The following RORA variants were observed in gnomAD, a reference collection of about 807,000 sequenced individuals.
RORA encodes the protein nuclear receptor ROR-alpha.
RORA carries 7 observed loss-of-function variants against 69.5 expected under a neutral mutation model. The ratio of observed to expected loss-of-function variants is 0.10; its 90% confidence interval spans 0.06 to 0.19. RORA has a LOEUF of 0.19. Among genes scored for constraint, RORA ranks in the 10% least tolerant of loss-of-function variants. RORA has a pLI of 1.00. For synonymous variants in RORA, 261 were observed against 240.8 expected (o/e 1.08, Z -0.78); for missense variants, 457 against 663.0 (o/e 0.69, Z 3.41).
intron 1 of RORA, among the ~76,000 whole-genome samples, chr15:61,105,445 TAA>T (rs1042087080): frequency 6.6e-6 from 1 of 152,238 alleles, no homozygotes; most frequent in African/African-American, 2.4e-5. Flanking sequence ...TGATATTTCA[TAA>T]AGTCTGAAGT....
At chr15:60,781,066 A>T (rs2072245870) in intron 1 of RORA, among the ~76,000 whole-genome samples, 1 of 152,226 alleles carries the variant, frequency 6.6e-6, no homozygotes, top group Non-Finnish European at 1.5e-5. Context: ...CAAAACCTGT[A>T]AAAAGGAGAG....
intron 1 of RORA, among the ~76,000 whole-genome samples, chr15:60,744,056 G>T (rs1258782681): frequency 6.7e-6 from 1 of 149,338 alleles, no homozygotes; most frequent in Non-Finnish European, 1.5e-5. Flanking sequence ...AAGCACTAGG[G>T]TTGAAAAAAA....
intron 1 of RORA, among the ~76,000 whole-genome samples, chr15:61,172,783 C>G (rs1057180034): frequency 6.6e-6 from 1 of 152,152 alleles, no homozygotes; most frequent in African/African-American, 2.4e-5. Context: ...AATCACACTT[C>G]AGAGGCAGAG....
intron 8 of RORA, among the ~76,000 whole-genome samples, chr15:60,502,206 C>T (rs563745799): frequency 6.6e-6 from 1 of 152,356 alleles, no homozygotes; most frequent in African/African-American, 2.4e-5. Flanking sequence ...TCTCAAACTC[C>T]TGACCTCAGG....
chr15:61,155,186 T>A (rs939815523), intron 1 of RORA, among the ~76,000 whole-genome samples: 1 of 152,216 alleles, frequency 6.6e-6, no homozygotes, highest in Non-Finnish European at 1.5e-5. Flanking sequence ...AATGTATACA[T>A]GCATTAAAAC....
chr15:61,109,831 T>G (rs542928933), intron 1 of RORA, among the ~76,000 whole-genome samples: 9 of 152,314 alleles, frequency 5.9e-5, no homozygotes, highest in African/African-American at 2.2e-4. Flanking sequence ...GATTATAGTA[T>G]CTGAGAGCTT....
At chr15:61,151,296 T>C (rs1390968793) in intron 1 of RORA, among the ~76,000 whole-genome samples, 1 of 152,238 alleles carries the variant, frequency 6.6e-6, no homozygotes, top group Admixed American at 6.5e-5. Flanking sequence ...CCCTGAACTC[T>C]AAGCTCTAAA....
At chr15:60,811,940 T>C (rs1208008279) in intron 1 of RORA, among the ~76,000 whole-genome samples, 1 of 152,236 alleles carries the variant, frequency 6.6e-6, no homozygotes, top group Non-Finnish European at 1.5e-5. Flanking sequence ...TCATATTCAT[T>C]ATTTTAACGG....
intron 2 of RORA, among the ~76,000 whole-genome samples, chr15:60,631,791 A>T (rs959445199): frequency 1.8e-4 from 28 of 152,136 alleles, no homozygotes; most frequent in African/African-American, 6.8e-4. Flanking sequence ...CAGATCCTGG[A>T]GCTTCAGTGT....
chr15:60,488,856 C>G lies in RORA; in HGVS notation c.*8599G>C, dbSNP rs2064995438. On this transcript the variant is annotated 3_prime_UTR_variant, in exon 11 of 11. Transcript: ENST00000335670. ...GTGCTTAATCCTCAAGACCTACACA[C>G]AATTAGAATCAGCATTTCATGTGGT... is the stretch of plus-strand genomic sequence containing the variant. 1 of 152,202 alleles carries G rather than the reference C, an allele frequency of 6.6e-6. No individual in the cohort carries two copies. Among genetic ancestry groups the G allele is most frequent in the African/African-American group, 2.4e-5 (1 of 41,444 alleles). The allele number at this position is 152,202 out of a possible 1,614,324, so 9.4% of individuals were successfully genotyped here. A position where few individuals can be genotyped will look rare whatever the true frequency, so the allele number is the denominator to read the frequency against.
In RORA at chr15:60,516,011, TTA is replaced by T. The variant is rs1183429201; in HGVS notation, c.283-1256_283-1255del. Among the ~76,000 whole-genome samples, 19 of 10,344 alleles carry T rather than the reference TTA, an allele frequency of 1.8e-3. 2 individuals are homozygous for T. The highest frequency in any genetic ancestry group is 3.1e-3 in the African/African-American group (11 of 3,532). 6.8% of individuals were successfully genotyped at this position (10,344 alleles called of 152,430 possible). ...TATATTTATATATATTTATATATAT[TTA>T]TATATATTTATATATTTATATATAT... is the stretch of plus-strand genomic sequence containing the variant. On this transcript the variant is annotated intron_variant, in intron 3 of 10. Coordinates refer to ENST00000335670, the MANE Select transcript of RORA (RefSeq NM_134261.3).
intron 1 of RORA, among the ~76,000 whole-genome samples, chr15:61,112,221 GGAGCTT>G (rs1566994383): frequency 6.6e-6 from 1 of 152,138 alleles, no homozygotes; most frequent in Non-Finnish European, 1.5e-5. Flanking sequence ...AATAAAAAAT[GGAGCTT>G]GCATTTTTAA....
chr15:61,227,438 G>A (rs1447281839), intron 1 of RORA, among the ~76,000 whole-genome samples: 1 of 151,368 alleles, frequency 6.6e-6, no homozygotes, highest in Non-Finnish European at 1.5e-5. Flanking sequence ...CCCCCCTCCC[G>A]CTGAAACCGC....
chr15:61,063,365 T>C (rs1040776021), intron 1 of RORA, among the ~76,000 whole-genome samples: 3 of 152,182 alleles, frequency 2.0e-5, no homozygotes, highest in African/African-American at 7.2e-5. Flanking sequence ...TGCTGGAATA[T>C]AAAAATGTAA....
chr15:60,542,336 TACAC>T (rs922605969), intron 2 of RORA, among the ~76,000 whole-genome samples: 1 of 146,798 alleles, frequency 6.8e-6, no homozygotes, highest in African/African-American at 2.7e-5. Context: ...ACACCACACA[TACAC>T]ACACATACCA....
chr15:60,849,736 C>T (rs997688381), intron 1 of RORA, among the ~76,000 whole-genome samples: 5 of 152,124 alleles, frequency 3.3e-5, no homozygotes, highest in Non-Finnish European at 4.4e-5. Context: ...GCTACCATTG[C>T]GATGTCTCTG....
At chr15:60,945,902 T>C (rs1892855106) in intron 1 of RORA, among the ~76,000 whole-genome samples, 1 of 152,190 alleles carries the variant, frequency 6.6e-6, no homozygotes, top group Admixed American at 6.5e-5. Context: ...TCCCTGACTT[T>C]TTCACACAGG....
intron 1 of RORA, among the ~76,000 whole-genome samples, chr15:61,210,475 ATT>A (rs2079981108): frequency 6.6e-6 from 1 of 152,248 alleles, no homozygotes; most frequent in African/African-American, 2.4e-5. Flanking sequence ...CCCCATACCT[ATT>A]ATAACAGAAT....
intron 1 of RORA, among the ~76,000 whole-genome samples, chr15:60,864,484 GTT>G (rs11388901): frequency 6.8e-6 from 1 of 147,564 alleles, no homozygotes. Context: ...TACCATCCTT[GTT>G]TTTTTTTTTT....
Sources: allele counts gnomAD v4.1 joint callset (sites outside exome capture counted in the v4.1 genomes callset), GRCh38; gene constraint gnomAD v4.1.1; transcripts MANE v1.5; gene names NCBI Gene and HGNC (gene_info 2026-07-23, HGNC 2026-07-21).